Variants in CFAP54 observed in about 807,000 individuals in gnomAD.
The protein encoded by CFAP54 is cilia and flagella associated protein 54.
In CFAP54, 290 loss-of-function variants were observed where a neutral mutation model predicts 370.4. The observed-to-expected ratio is 0.78, with a 90% CI of 0.71 to 0.86. CFAP54 has a LOEUF of 0.86. CFAP54 is among the 40% of genes least tolerant of loss of function. The probability of loss-of-function intolerance (pLI) is 0.00; values close to 1 mark genes in which losing one functional copy is unlikely to be tolerated. For missense variants in CFAP54, 3,399 were observed against 3,528.7 expected, an observed-to-expected ratio of 0.96 and a Z score of 0.93; for synonymous variants, 1,206 against 1,236.5, an observed-to-expected ratio of 0.98 and a Z score of 0.52.
chr12:96,507,169 A>G, intron 4 of CFAP54, 70 bp downstream of exon 4: 1 of 1,197,286 alleles, frequency 8.4e-7, no homozygotes, highest in Non-Finnish European at 1.1e-6. Context: ...GTTTGACAGT[A>G]GCTTGAGTAC....
intron 65 of CFAP54, 76 bp downstream of exon 65, chr12:96,817,989 G>T (rs1295437344): frequency 1.9e-6 from 2 of 1,058,256 alleles, no homozygotes; most frequent in Admixed American, 3.4e-5. Flanking sequence ...TATGTAACTG[G>T]ACTTAAACTC....
At chr12:96,675,283 G>A (rs1324425536) in intron 39 of CFAP54, among the ~76,000 whole-genome samples, 1 of 152,168 alleles carries the variant, frequency 6.6e-6, no homozygotes, top group Non-Finnish European at 1.5e-5. Context: ...CAAAGGATAT[G>A]AACAGACACT....
chr12:96,661,045 A>G (rs958848764), intron 38 of CFAP54, among the ~76,000 whole-genome samples: 14 of 150,540 alleles, frequency 9.3e-5, no homozygotes, highest in African/African-American at 3.2e-4. Flanking sequence ...CATGTTCAGA[A>G]GCTCCCTAAA....
At chr12:96,576,814 A>G (rs1254777864) in intron 20 of CFAP54, 53 bp downstream of exon 20, 4 of 1,368,516 alleles carry the variant, frequency 2.9e-6, no homozygotes, top group Non-Finnish European at 4.0e-6. Context: ...AAGTACTTTT[A>G]TAACTACCAT....
intron 27 of CFAP54, among the ~76,000 whole-genome samples, 154 bp downstream of exon 27, chr12:96,621,875 G>GTTTTTT (rs71068819): frequency 0.013 from 628 of 50,024 alleles, 77 homozygotes; most frequent in East Asian, 0.088. Context: ...TTTTGGGTTT[G>GTTTTTT]TTTTTTTTTT....
chr12:96,744,219 C>A, intron 55 of CFAP54, 73 bp downstream of exon 55: 2 of 1,284,230 alleles, frequency 1.6e-6, no homozygotes, highest in Admixed American at 2.5e-5. Flanking sequence ...GGCAGGCTAT[C>A]ATATGAGTGC....
At chr12:96,638,407 T>C (rs1956686858) in intron 32 of CFAP54, among the ~76,000 whole-genome samples, 1 of 151,654 alleles carries the variant, frequency 6.6e-6, no homozygotes, top group Admixed American at 6.6e-5. Context: ...GGCTAATTTT[T>C]TTTTTTTTTA....
intron 14 of CFAP54, among the ~76,000 whole-genome samples, chr12:96,544,347 A>G (rs61940405): frequency 0.011 from 1,606 of 152,202 alleles, 17 homozygotes; most frequent in Middle Eastern, 0.048. Flanking sequence ...AAAGTGAAAG[A>G]GAGTCTTTTG....
At chr12:96,817,588 T>G (rs1322812099) in intron 64 of CFAP54, among the ~76,000 whole-genome samples, 187 bp from the exon 65 acceptor site, 1 of 149,486 alleles carries the variant, frequency 6.7e-6, no homozygotes, top group Admixed American at 6.7e-5. Context: ...ACCTGGCTAA[T>G]TTTTTATATT....
At chr12:96,519,549 C>G (rs12829342) in intron 6 of CFAP54, among the ~76,000 whole-genome samples, 1 of 152,154 alleles carries the variant, frequency 6.6e-6, no homozygotes, top group Non-Finnish European at 1.5e-5. Flanking sequence ...TTGTTTTTCT[C>G]TCTCACCCTC....
rs905647050 is a variant in CFAP54 at position 96,576,847 on chromosome 12, A to T, written c.2796+86A>T. On this transcript the variant is annotated intron_variant, in intron 20 of 67. Transcript: ENST00000524981. ...CATGATTCATACTTTGATTGCTTTT[A>T]GGAACTGGATAGTCTTATTCATAAG... is the stretch of plus-strand genomic sequence containing the variant. 1.1e-5 allele frequency: 12 copies of T among 1,121,524 alleles called. No individual in the cohort carries two copies. The African/African-American group carries it at 1.6e-4, about 15-fold the overall frequency. 69.5% of individuals were successfully genotyped at this position (1,121,524 alleles called of 1,614,324 possible).
At chr12:96,829,564 T>C (rs1474738881) in intron 66 of CFAP54, among the ~76,000 whole-genome samples, 2 of 152,108 alleles carry the variant, frequency 1.3e-5, no homozygotes, top group Non-Finnish European at 2.9e-5. Flanking sequence ...TCAGGTGCCA[T>C]TTACATAGCT....
At chr12:96,843,155 T>C (rs1240372311) in intron 66 of CFAP54, among the ~76,000 whole-genome samples, 1 of 152,240 alleles carries the variant, frequency 6.6e-6, no homozygotes, top group African/African-American at 2.4e-5. Context: ...TAGTTCATAT[T>C]CTTTATAAAG....
At chr12:96,665,393 C>T (rs915051382) in intron 39 of CFAP54, among the ~76,000 whole-genome samples, 24 of 152,124 alleles carry the variant, frequency 1.6e-4, no homozygotes, top group African/African-American at 5.6e-4. Flanking sequence ...AAATCTTTGC[C>T]TGTGCCTATG....
chr12:96,556,391 C>T (rs1182806349), intron 17 of CFAP54, among the ~76,000 whole-genome samples: 1 of 150,226 alleles, frequency 6.7e-6, no homozygotes, highest in Non-Finnish European at 1.5e-5. Context: ...ATTTATATTT[C>T]TTTTCTTTTT....
intron 24 of CFAP54, 101 bp from the exon 25 acceptor site, chr12:96,594,190 G>T (rs1956152552): frequency 6.1e-6 from 5 of 815,990 alleles, no homozygotes; most frequent in Admixed American, 3.1e-5. Flanking sequence ...CACTCATGTT[G>T]TTTTTAGCCA....
intron 50 of CFAP54, among the ~76,000 whole-genome samples, chr12:96,726,135 C>A (rs2136618104): frequency 6.6e-6 from 1 of 150,548 alleles, no homozygotes. Flanking sequence ...GTCTAAAATT[C>A]TCTTTTTTGG....
At chr12:96,494,201 G>C (rs78891551) in intron 1 of CFAP54, among the ~76,000 whole-genome samples, 4,028 of 152,256 alleles carry the variant, frequency 0.026, 124 homozygotes, top group African/African-American at 0.073. Context: ...AACAGTATGA[G>C]GTGAGATTTA....
Position 96,759,291 on chromosome 12 carries a change from GAAA to G in CFAP54, c.8040+1713_8040+1715del, listed in dbSNP as rs35885233. 4.4e-3 allele frequency among the ~76,000 whole-genome samples: 623 copies of G among 141,688 alleles called. 6 individuals are homozygous for G. Among genetic ancestry groups the G allele is most frequent in the Non-Finnish European group, 7.1e-3 (453 of 63,884 alleles). 93.0% of individuals were successfully genotyped at this position (141,688 alleles called of 152,430 possible). A position where few individuals can be genotyped will look rare whatever the true frequency, so the allele number is the denominator to read the frequency against. ...ATAAACATGTTTATTTCCAGTAACA[GAAA>G]AAAAAAAAACCCTTGTTTTTATAGC... On this transcript the variant is annotated intron_variant, in intron 58 of 67. Coordinates refer to ENST00000524981, the MANE Select transcript of CFAP54 (RefSeq NM_001306084.2).
Sources: allele counts gnomAD v4.1 joint callset (sites outside exome capture counted in the v4.1 genomes callset), GRCh38; gene constraint gnomAD v4.1.1; transcripts MANE v1.5; gene names NCBI Gene and HGNC (gene_info 2026-07-23, HGNC 2026-07-21).